Variants in FREM1 observed in about 807,000 individuals in gnomAD.
FREM1 encodes FRAS1-related extracellular matrix protein 1.
A neutral mutation model predicts 210.1 loss-of-function variants in FREM1; 220 were observed. The observed-to-expected ratio is 1.05, with a 90% CI of 0.94 to 1.17. The LOEUF (loss-of-function observed/expected upper bound fraction) is 1.17, where lower values mean the gene tolerates loss of function less well. Among genes scored for constraint, FREM1 ranks in the 50% most tolerant of loss-of-function variants. The pLI, the probability that FREM1 is intolerant of heterozygous loss-of-function variation, is 0.00. For synonymous variants in FREM1, 1,189 were observed against 980.2 expected (o/e 1.21, Z -3.98); for missense variants, 3,454 against 2,675.5 (o/e 1.29, Z -6.42).
chr9:14,779,835 T>C lies in FREM1; in HGVS notation c.4443-3632A>G, dbSNP rs150021273. ...GCTGTCAGTGCTGACCTAAAGCTAA[T>C]AGGCCAGGGGTGAAAATGATGCAAT... On this transcript the variant is annotated intron_variant, in intron 24 of 36. Transcript: ENST00000380880. 3.6e-3 allele frequency among the ~76,000 whole-genome samples: 541 copies of C among 152,282 alleles called. 14 individuals are homozygous for C. The South Asian group carries it at 0.046, about 13-fold the overall frequency.
intron 28 of FREM1, among the ~76,000 whole-genome samples, chr9:14,757,046 A>T (rs1482176288): frequency 2.0e-5 from 3 of 151,882 alleles, no homozygotes; most frequent in East Asian, 3.9e-4. Flanking sequence ...GAACAACCAG[A>T]CAAAGGAGAT....
chr9:14,768,940 A>C (rs1563876665), intron 27 of FREM1, among the ~76,000 whole-genome samples: 1 of 152,094 alleles, frequency 6.6e-6, no homozygotes, highest in African/African-American at 2.4e-5. Flanking sequence ...GGAGGGTATC[A>C]AAAACAAACA....
At chr9:14,755,588 C>A (rs1196194459) in intron 29 of FREM1, among the ~76,000 whole-genome samples, 1 of 152,210 alleles carries the variant, frequency 6.6e-6, no homozygotes. Context: ...TCCACAGAAG[C>A]CAGGGAAAGA....
chr9:14,862,997 AG>A lies in FREM1; in HGVS notation c.329+811del, dbSNP rs1830846791. Among the ~76,000 whole-genome samples the A allele has an allele frequency of 6.6e-5, 10 of 152,274 alleles. No homozygotes were observed. In the South Asian group the frequency reaches 2.1e-3, roughly 32 times the overall value. ...TTTTCTTATATATATGCGTAGGAGA[AG>A]AACTGCTGTCTCCTACGGTCATTCC... On this transcript the variant is annotated intron_variant, in intron 3 of 36. Transcript: ENST00000380880.
chr9:14,885,178 C>A (rs971952876), intron 1 of FREM1, among the ~76,000 whole-genome samples: 1 of 152,000 alleles, frequency 6.6e-6, no homozygotes, highest in South Asian at 2.1e-4. Context: ...CCCGCCTCGG[C>A]CTCCCCATCA....
intron 22 of FREM1, among the ~76,000 whole-genome samples, chr9:14,791,749 A>C (rs984014017): frequency 1.3e-5 from 2 of 152,210 alleles, no homozygotes; most frequent in Non-Finnish European, 2.9e-5. Context: ...TGAGAATTGG[A>C]AGGAAAGAAA....
intron 13 of FREM1, among the ~76,000 whole-genome samples, chr9:14,819,815 A>C (rs10961730): frequency 0.14 from 21,130 of 152,214 alleles, 1,500 homozygotes; most frequent in Non-Finnish European, 0.17. Flanking sequence ...CATACAGCTT[A>C]GTCTAAAAAA....
intron 5 of FREM1, among the ~76,000 whole-genome samples, chr9:14,853,848 G>A (rs1290966655): frequency 6.6e-6 from 1 of 152,106 alleles, no homozygotes; most frequent in Non-Finnish European, 1.5e-5. Context: ...ACTCAAGAGG[G>A]GTAAATTGTG....
intron 2 of FREM1, among the ~76,000 whole-genome samples, chr9:14,866,847 T>G (rs1298597674): frequency 6.6e-6 from 1 of 151,970 alleles, no homozygotes; most frequent in Non-Finnish European, 1.5e-5. Context: ...CTCAAAACTC[T>G]ACAGGCTGCA....
intron 17 of FREM1, among the ~76,000 whole-genome samples, chr9:14,807,535 C>A (rs1363763433): frequency 3.3e-5 from 5 of 152,078 alleles, no homozygotes; most frequent in Non-Finnish European, 7.4e-5. Flanking sequence ...CTCCGGTATA[C>A]TCACTCTGTT....
intron 24 of FREM1, among the ~76,000 whole-genome samples, chr9:14,777,426 C>G (rs1169816621): frequency 2.6e-5 from 4 of 152,152 alleles, no homozygotes; most frequent in Admixed American, 6.5e-5. Context: ...GACAAATTCA[C>G]TGTACACCAA....
In FREM1 at chr9:14,869,035, C is replaced by T. The variant is rs1832095561; in HGVS notation, c.-58G>A. On this transcript the variant is annotated 5_prime_UTR_variant, in exon 2 of 37. Coordinates refer to ENST00000380880, the MANE Select transcript of FREM1 (RefSeq NM_001379081.2). Reference sequence around the variant, plus strand: ...GCGAAATCCCTTTAACAAAGGAGGGCTTCTGTGCTTCCTCCTGGAGGGTCA... The same window carrying T: ...GCGAAATCCCTTTAACAAAGGAGGGTTTCTGTGCTTCCTCCTGGAGGGTCA... 1.1e-5 allele frequency: 13 copies of T among 1,207,970 alleles called. No homozygotes were observed. The highest frequency in any genetic ancestry group is 3.0e-5 in the African/African-American group (2 of 66,142). The allele number at this position is 1,207,970 out of a possible 1,614,324, so 74.8% of individuals were successfully genotyped here.
At position 14,828,640 on chromosome 9, in the gene FREM1, GGGC is replaced by G. The variant is rs1323327671; in HGVS notation, c.1882-3651_1882-3649del. Among the ~76,000 whole-genome samples the G allele has an allele frequency of 3.1e-5, 4 of 127,320 alleles. 1 individual carries two copies. Among genetic ancestry groups the G allele is most frequent in the East Asian group, 4.6e-4 (2 of 4,366 alleles). The allele number at this position is 127,320 out of a possible 152,430, so 83.5% of individuals were successfully genotyped here. A position where few individuals can be genotyped will look rare whatever the true frequency, so the allele number is the denominator to read the frequency against. ...TGGGAGAAGAACATAAATTGTGGCG[GGGC>G]GGGGGAGGTGCCGGGGTAGAATGTT... is the stretch of plus-strand genomic sequence containing the variant. On this transcript the variant is annotated intron_variant, in intron 10 of 36. Coordinates refer to ENST00000380880, the MANE Select transcript of FREM1 (RefSeq NM_001379081.2).
chr9:14,801,780 T>C lies in FREM1; in HGVS notation c.3566A>G (p.Gln1189Arg), dbSNP rs532631822. ...GATGAGGAGGCCATGGCGTGGCTTT[T>C]GAGTGATGCTGAACAGCAGGGCATC... ...PQDALLFSIT[Q>R]KPRHGLLIDR... Residue 1189 changes from glutamine to arginine, a missense_variant, in exon 20 of 37, where the codon CAA becomes CGA. Coordinates refer to ENST00000380880, the MANE Select transcript of FREM1 (RefSeq NM_001379081.2). The C allele has an allele frequency of 3.1e-6, 5 of 1,614,010 alleles. No homozygotes were observed. The South Asian group carries it at 4.4e-5, about 14-fold the overall frequency.
At chr9:14,782,937 C>T (rs974293114) in intron 24 of FREM1, among the ~76,000 whole-genome samples, 1 of 152,146 alleles carries the variant, frequency 6.6e-6, no homozygotes, top group African/African-American at 2.4e-5. Context: ...CAGTTCTTGC[C>T]CCCAAGCCTG....
chr9:14,817,806 T>A (rs1820573923), intron 14 of FREM1, among the ~76,000 whole-genome samples: 1 of 152,124 alleles, frequency 6.6e-6, no homozygotes, highest in African/African-American at 2.4e-5. Context: ...AAGTCCCACA[T>A]CCTCCCCACC....
chr9:14,824,061 C>T lies in FREM1; in HGVS notation c.2133G>A (p.Lys711=). ...ACCTCAGCTCCAGGGCCGTAGGATT[C>T]TTAACTACTTTTGGTATGCTGTCCA... ...FMVDSIPKVV[K]NPTALELRSF... The change falls in exon 12 of 37, where the codon AAG becomes AAA. Residue 711 remains lysine (K), a synonymous_variant. Transcript: ENST00000380880. 6.3e-7 allele frequency: 1 copy of T among 1,593,624 alleles called. No homozygotes were observed. Among genetic ancestry groups the T allele is most frequent in the Non-Finnish European group, 8.6e-7 (1 of 1,168,904 alleles).
chr9:14,814,652 A>T (rs908686004), intron 15 of FREM1, among the ~76,000 whole-genome samples: 2 of 152,222 alleles, frequency 1.3e-5, no homozygotes, highest in South Asian at 4.1e-4. Flanking sequence ...GACCTTCTCC[A>T]GTATTGTTCT....
At chr9:14,774,735 A>G (rs1021566765) in intron 25 of FREM1, among the ~76,000 whole-genome samples, 7 of 152,164 alleles carry the variant, frequency 4.6e-5, no homozygotes, top group Non-Finnish European at 5.9e-5. Context: ...TTTGACTTAA[A>G]AAAGAAAAAC....
Sources: gnomAD v4.1 joint callset for allele counts (sites outside exome capture counted in the v4.1 genomes callset) on GRCh38, gnomAD v4.1.1 for gene constraint, MANE v1.5 for transcripts, NCBI Gene and HGNC (gene_info 2026-07-23, HGNC 2026-07-21) for gene names.